Variants in SUMF1 observed in about 807,000 individuals in gnomAD.
The protein encoded by SUMF1 is sulfatase modifying factor 1.
SUMF1 carries 48 observed loss-of-function variants against 47.6 expected under a neutral mutation model. The observed-to-expected ratio is 1.01, with a 90% CI of 0.80 to 1.28. SUMF1 has a LOEUF of 1.28. SUMF1 is among the 50% of genes most tolerant of loss of function. The probability of loss-of-function intolerance (pLI) is 0.00; values close to 1 mark genes in which losing one functional copy is unlikely to be tolerated. For missense variants in SUMF1, 571 were observed against 485.4 expected, an observed-to-expected ratio of 1.18 and a Z score of -1.66; for synonymous variants, 230 against 192.1, an observed-to-expected ratio of 1.20 and a Z score of -1.63.
At chr3:4,299,099 C>A (rs1364913354) in intron 8 of SUMF1, among the ~76,000 whole-genome samples, 1 of 152,206 alleles carries the variant, frequency 6.6e-6, no homozygotes, top group African/African-American at 2.4e-5. Context: ...ACTATCTCTT[C>A]TTTTAAGGAA....
intron 8 of SUMF1, among the ~76,000 whole-genome samples, chr3:4,216,315 T>C (rs1695922696): frequency 2.0e-5 from 3 of 152,108 alleles, no homozygotes; most frequent in Admixed American, 1.3e-4. Flanking sequence ...TAATGAATGG[T>C]GTTGGGAAAA....
At chr3:4,283,176 C>T (rs1037831504) in intron 8 of SUMF1, among the ~76,000 whole-genome samples, 13 of 152,156 alleles carry the variant, frequency 8.5e-5, no homozygotes, top group Admixed American at 8.5e-4. Flanking sequence ...TGTTCCTTTT[C>T]GTTCCAATCT....
intron 8 of SUMF1, among the ~76,000 whole-genome samples, chr3:4,154,723 A>C (rs1019288738): frequency 1.3e-5 from 2 of 151,626 alleles, no homozygotes; most frequent in Non-Finnish European, 2.9e-5. Context: ...TCTGCTGAAG[A>C]AAACAGGTCC....
At chr3:4,324,393 A>G (rs1698899236) in intron 8 of SUMF1, among the ~76,000 whole-genome samples, 1 of 152,182 alleles carries the variant, frequency 6.6e-6, no homozygotes, top group South Asian at 2.1e-4. Context: ...GGATGTGCCA[A>G]GGAAAACCAT....
intron 8 of SUMF1, among the ~76,000 whole-genome samples, chr3:4,173,453 A>G (rs1694877887): frequency 1.3e-5 from 2 of 152,192 alleles, no homozygotes; most frequent in South Asian, 4.1e-4. Context: ...TAGTTCAACC[A>G]TTGTGGAAGA....
intron 8 of SUMF1, among the ~76,000 whole-genome samples, chr3:4,190,622 C>G (rs965260113): frequency 2.0e-5 from 3 of 151,944 alleles, no homozygotes; most frequent in Non-Finnish European, 4.4e-5. Context: ...TCTTGACAAC[C>G]CTGAGAAAAA....
At chr3:4,456,705 CGTATATATAT>C (rs2079624231) in intron 1 of SUMF1, among the ~76,000 whole-genome samples, 2 of 101,206 alleles carry the variant, frequency 2.0e-5, no homozygotes, top group South Asian at 2.9e-4. Flanking sequence ...TATATATATA[CGTATATATAT>C]ACATATATAT....
At chr3:4,264,391 G>C (rs1324492050) in intron 8 of SUMF1, among the ~76,000 whole-genome samples, 2 of 152,136 alleles carry the variant, frequency 1.3e-5, no homozygotes, top group Admixed American at 6.5e-5. Flanking sequence ...TCTTCAAAAT[G>C]TCCCAGTTCC....
At chr3:4,287,262 C>G (rs1697650755) in intron 8 of SUMF1, among the ~76,000 whole-genome samples, 1 of 152,126 alleles carries the variant, frequency 6.6e-6, no homozygotes, top group Non-Finnish European at 1.5e-5. Context: ...CCAAAAAGTT[C>G]AGAACCAGCA....
chr3:4,126,967 C>T (rs1383911001), intron 8 of SUMF1, among the ~76,000 whole-genome samples: 1 of 151,988 alleles, frequency 6.6e-6, no homozygotes, highest in East Asian at 1.9e-4. Context: ...TGAAGAAGAA[C>T]AAAATTACAA....
rs981870701 is a variant in SUMF1, at chr3:4,098,347, A to G, written c.1015-29602T>C. Among the ~76,000 whole-genome samples the G allele has an allele frequency of 3.9e-5, 6 of 152,144 alleles. 1 individual carries two copies. Among genetic ancestry groups the G allele is most frequent in the African/African-American group, 1.4e-4 (6 of 41,418 alleles). On this transcript the variant is annotated intron_variant and NMD_transcript_variant, in intron 8 of 12. Coordinates refer to the SUMF1 transcript ENST00000448413. ...GTAGACTCAGGACCAGCATACATAAACATTTCAAGGCTACAGACACATAGG... is the reference window on the plus strand; with the variant it reads ...GTAGACTCAGGACCAGCATACATAAGCATTTCAAGGCTACAGACACATAGG...
chr3:4,367,312 C>T (rs1405571977), intron 8 of SUMF1, among the ~76,000 whole-genome samples: 7 of 152,194 alleles, frequency 4.6e-5, no homozygotes, highest in Non-Finnish European at 1.0e-4. Flanking sequence ...TGTCTGTGCC[C>T]TGCCCCCAGA....
intron 8 of SUMF1, among the ~76,000 whole-genome samples, chr3:4,175,737 C>T (rs1406872507): frequency 6.6e-6 from 1 of 152,096 alleles, no homozygotes; most frequent in Non-Finnish European, 1.5e-5. Context: ...TAACAAACTT[C>T]TCCGAGCTAA....
chr3:4,322,774 A>C (rs1024973689), intron 8 of SUMF1, among the ~76,000 whole-genome samples: 1 of 151,466 alleles, frequency 6.6e-6, no homozygotes, highest in Non-Finnish European at 1.5e-5. Flanking sequence ...AACTACTCTA[A>C]AGCAGTTTGG....
intron 8 of SUMF1, among the ~76,000 whole-genome samples, chr3:4,213,389 C>T (rs754863836): frequency 5.3e-5 from 8 of 152,062 alleles, no homozygotes; most frequent in South Asian, 2.1e-4. Context: ...ACCAGGCCTG[C>T]GTTACAAGAG....
At chr3:4,257,957 G>A (rs1412688122) in intron 8 of SUMF1, among the ~76,000 whole-genome samples, 10 of 151,924 alleles carry the variant, frequency 6.6e-5, no homozygotes, top group South Asian at 4.2e-4. Context: ...AAATAACGCC[G>A]CATGTCTACA....
intron 8 of SUMF1, among the ~76,000 whole-genome samples, chr3:4,319,262 A>G (rs1443869439): frequency 6.6e-6 from 1 of 152,200 alleles, no homozygotes; most frequent in East Asian, 1.9e-4. Flanking sequence ...TGTTACCAAA[A>G]TGACAGGGGG....
intron 6 of SUMF1, among the ~76,000 whole-genome samples, chr3:4,412,687 T>C (rs934505874): frequency 4.6e-5 from 7 of 151,998 alleles, no homozygotes; most frequent in African/African-American, 1.7e-4. Flanking sequence ...AGTTCAAGAC[T>C]AGCCTGGCCA....
intron 8 of SUMF1, among the ~76,000 whole-genome samples, chr3:4,237,931 G>A (rs1696446589): frequency 6.6e-6 from 1 of 150,390 alleles, no homozygotes; most frequent in African/African-American, 2.4e-5. Context: ...CCCTCCCCTA[G>A]CCCCACAACC....
Sources: gnomAD v4.1 joint callset for allele counts (sites outside exome capture counted in the v4.1 genomes callset) on GRCh38, gnomAD v4.1.1 for gene constraint, MANE v1.5 for transcripts, NCBI Gene and HGNC (gene_info 2026-07-23, HGNC 2026-07-21) for gene names.